TUSC3: variants seen among roughly 807,000 people sequenced by gnomAD.
The protein encoded by TUSC3 is tumor suppressor candidate 3.
Under a neutral mutation model 44.8 loss-of-function variants are expected in TUSC3, and 45 were observed. The observed-to-expected ratio is 1.00, with a 90% CI of 0.79 to 1.29. The LOEUF is 1.29. Ranked by LOEUF, TUSC3 falls within the 50% of genes most tolerant of loss-of-function variation. The pLI is 0.00. For synonymous variants in TUSC3, 212 were observed against 152.9 expected (o/e 1.39, Z -2.85); for missense variants, 519 against 437.9 (o/e 1.19, Z -1.65).
chr8:15,849,012 G>A, the TUSC3 span, among the ~76,000 whole-genome samples: 2 of 151,960 alleles, frequency 1.3e-5, no homozygotes, highest in African/African-American at 4.8e-5. Context: ...TCCCTCACAT[G>A]CCCAGAATAC....
chr8:15,558,514 G>A (rs1802343396), intron 1 of TUSC3, among the ~76,000 whole-genome samples: 1 of 69,462 alleles, frequency 1.4e-5, no homozygotes, highest in Non-Finnish European at 3.5e-5. Flanking sequence ...AATGATGCTG[G>A]CCTCATAAAA....
At chr8:15,851,708 G>A in the TUSC3 span, among the ~76,000 whole-genome samples, 2 of 152,178 alleles carry the variant, frequency 1.3e-5, no homozygotes, top group African/African-American at 2.4e-5. Flanking sequence ...CTGACATGTT[G>A]TATTGACTCT....
At chr8:15,570,975 G>C (rs376378156) in intron 1 of TUSC3, among the ~76,000 whole-genome samples, 3 of 6,932 alleles carry the variant, frequency 4.3e-4, no homozygotes, top group Non-Finnish European at 3.5e-3. Flanking sequence ...TTTTTTTTTT[G>C]AGATTGAGTC....
chr8:15,762,886 C>G (rs1812214259), intron 10 of TUSC3, among the ~76,000 whole-genome samples: 1 of 97,726 alleles, frequency 1.0e-5, no homozygotes, highest in Non-Finnish European at 2.0e-5. Flanking sequence ...AAGGCCCTGA[C>G]AAGGTTTACT....
At chr8:15,826,974 G>A in the TUSC3 span, among the ~76,000 whole-genome samples, 1 of 152,152 alleles carries the variant, frequency 6.6e-6, no homozygotes. Flanking sequence ...TTTGATTGCT[G>A]CAGAGGTTGC....
chr8:15,810,649 G>C, the TUSC3 span, among the ~76,000 whole-genome samples: 1 of 151,652 alleles, frequency 6.6e-6, no homozygotes, highest in African/African-American at 2.4e-5. Flanking sequence ...TGGCCAAGGA[G>C]GGGGGGCGGG....
intron 1 of TUSC3, among the ~76,000 whole-genome samples, chr8:15,430,814 A>G (rs1799864266): frequency 1.3e-5 from 2 of 151,760 alleles, no homozygotes; most frequent in Admixed American, 6.6e-5. Flanking sequence ...CAAAAATCAC[A>G]AGCATTCTTA....
intron 1 of TUSC3, among the ~76,000 whole-genome samples, chr8:15,421,942 G>A (rs1799743137): frequency 6.6e-6 from 1 of 152,100 alleles, no homozygotes; most frequent in African/African-American, 2.4e-5. Flanking sequence ...AAAAATCACT[G>A]CCACTGTCTT....
chr8:15,513,001 A>G (rs1433792563), intron 2 of TUSC3, among the ~76,000 whole-genome samples: 1 of 144,780 alleles, frequency 6.9e-6, no homozygotes, highest in African/African-American at 2.6e-5. Context: ...ACATAAGTCA[A>G]ATTTTTTTCC....
chr8:15,593,625 T>C (rs1465601023), intron 1 of TUSC3, among the ~76,000 whole-genome samples: 2 of 152,226 alleles, frequency 1.3e-5, no homozygotes, highest in Non-Finnish European at 2.9e-5. Flanking sequence ...ATAATACAAT[T>C]GTAATCCGCA....
intron 1 of TUSC3, among the ~76,000 whole-genome samples, chr8:15,601,521 GT>G (rs1370498289): frequency 2.0e-5 from 3 of 151,720 alleles, no homozygotes; most frequent in African/African-American, 7.3e-5. Flanking sequence ...ATTTTTGGTT[GT>G]TTTAGAAGTT....
chr8:15,636,340 G>T (rs761299669), intron 2 of TUSC3, among the ~76,000 whole-genome samples: 1 of 152,134 alleles, frequency 6.6e-6, no homozygotes, highest in Non-Finnish European at 1.5e-5. Context: ...AGAGATAGCT[G>T]CTGTTTTTTT....
the TUSC3 span, among the ~76,000 whole-genome samples, chr8:15,844,073 C>A: frequency 6.6e-6 from 1 of 152,102 alleles, no homozygotes; most frequent in African/African-American, 2.4e-5. Context: ...ATCTCTTCTA[C>A]CTCTGAAGGA....
At position 15,464,092 on chromosome 8, in the gene TUSC3, T is replaced by C. The variant is rs571751164; in HGVS notation, n.92-19294T>C. ...TCAGACTTAATCAAGCCATAGTGAG[T>C]CTAGTCAACTGGAGCATGGCAAATT... On this transcript the variant is annotated intron_variant and non_coding_transcript_variant, in intron 1 of 5. Transcript: ENST00000503191. Among the ~76,000 whole-genome samples, 9 of 152,196 alleles carry C rather than the reference T, an allele frequency of 5.9e-5. 1 individual carries two copies. In the South Asian group the frequency reaches 1.2e-3, roughly 21 times the overall value.
intron 3 of TUSC3, among the ~76,000 whole-genome samples, chr8:15,655,354 A>G (rs906787713): frequency 1.6e-4 from 24 of 152,214 alleles, no homozygotes; most frequent in Non-Finnish European, 2.8e-4. Flanking sequence ...CTAGTAAGGG[A>G]AAAATGCCTC....
downstream of TUSC3, among the ~76,000 whole-genome samples, chr8:15,769,736 A>G (rs1444704956): frequency 6.6e-6 from 1 of 152,134 alleles, no homozygotes; most frequent in East Asian, 1.9e-4. Context: ...ATAAGAGAAA[A>G]CCCCATCAAA....
chr8:15,775,368 T>C, the TUSC3 span, among the ~76,000 whole-genome samples: 1 of 152,094 alleles, frequency 6.6e-6, no homozygotes, highest in Non-Finnish European at 1.5e-5. Context: ...GAAAATATTC[T>C]GGAGAGTGAT....
rs188163773 is a variant in TUSC3, at chr8:15,631,908, C to T, written c.308+8659C>T. Among the ~76,000 whole-genome samples, 855 of 152,100 alleles carry T rather than the reference C, an allele frequency of 5.6e-3. 5 individuals are homozygous for T. Among genetic ancestry groups the T allele is most frequent in the Non-Finnish European group, 9.0e-3 (612 of 67,998 alleles). On this transcript the variant is annotated intron_variant, in intron 2 of 10. Coordinates refer to ENST00000503731, the MANE Select transcript of TUSC3 (RefSeq NM_006765.4). ...ATTTTTAGTAGAGATGGGGTTTCAG[C>T]GTGTTGGCCAGGCTGGTCTTGAACT...
chr8:15,457,849 CTAAT>C (rs1800279492), intron 1 of TUSC3, among the ~76,000 whole-genome samples: 1 of 38,190 alleles, frequency 2.6e-5, no homozygotes, highest in Non-Finnish European at 7.8e-5. Flanking sequence ...GATTAATTAT[CTAAT>C]AATTATCTAA....
Sources: allele counts gnomAD v4.1 joint callset (sites outside exome capture counted in the v4.1 genomes callset), GRCh38; gene constraint gnomAD v4.1.1; transcripts MANE v1.5; gene names NCBI Gene and HGNC (gene_info 2026-07-23, HGNC 2026-07-21).